The following SYN2 variants were observed in gnomAD, a reference collection of about 807,000 sequenced individuals.
SYN2 encodes the protein synapsin II.
Under a neutral mutation model 50.9 loss-of-function variants are expected in SYN2, and 19 were observed. That is an observed-to-expected ratio of 0.37 (90% CI 0.26 to 0.55). The LOEUF (loss-of-function observed/expected upper bound fraction) is 0.55, where lower values mean the gene tolerates loss of function less well. Ranked by LOEUF, SYN2 falls within the 20% of genes least tolerant of loss-of-function variation. The pLI, the probability that SYN2 is intolerant of heterozygous loss-of-function variation, is 0.81. For missense variants in SYN2, 587 were observed against 576.4 expected, an observed-to-expected ratio of 1.02 and a Z score of -0.19; for synonymous variants, 255 against 224.9, an observed-to-expected ratio of 1.13 and a Z score of -1.20.
chr3:12,109,733 C>G (rs1041451697), intron 1 of SYN2, among the ~76,000 whole-genome samples: 1 of 152,078 alleles, frequency 6.6e-6, no homozygotes, highest in African/African-American at 2.4e-5. Flanking sequence ...GGGGTAGATA[C>G]AGGATGATTG....
At chr3:12,107,721 T>C (rs1696225667) in intron 1 of SYN2, among the ~76,000 whole-genome samples, 1 of 152,126 alleles carries the variant, frequency 6.6e-6, no homozygotes, top group Non-Finnish European at 1.5e-5. Context: ...CTGGGCAACA[T>C]AGTGAGATCC....
chr3:12,072,768 A>G (rs777015003), intron 1 of SYN2, among the ~76,000 whole-genome samples: 2 of 152,120 alleles, frequency 1.3e-5, no homozygotes, highest in Non-Finnish European at 1.5e-5. Context: ...GATATTAATA[A>G]TGGCTTTTAA....
chr3:12,140,313 G>T (rs1420833815), intron 1 of SYN2, among the ~76,000 whole-genome samples: 1 of 152,196 alleles, frequency 6.6e-6, no homozygotes, highest in Non-Finnish European at 1.5e-5. Flanking sequence ...TAAGGAAACT[G>T]CAGAGATGTA....
At chr3:12,010,371 A>T (rs776123426) in intron 1 of SYN2, among the ~76,000 whole-genome samples, 5 of 151,414 alleles carry the variant, frequency 3.3e-5, no homozygotes, top group Non-Finnish European at 5.9e-5. Flanking sequence ...TACCTCCTCA[A>T]ATTTACAAGG....
At chr3:12,129,258 C>G (rs1231281272) in intron 1 of SYN2, among the ~76,000 whole-genome samples, 1 of 151,982 alleles carries the variant, frequency 6.6e-6, no homozygotes, top group Non-Finnish European at 1.5e-5. Context: ...AGAAGCAGGA[C>G]ATGCAAAAAT....
chr3:12,048,598 A>G (rs1045654542), intron 1 of SYN2, among the ~76,000 whole-genome samples: 3 of 152,222 alleles, frequency 2.0e-5, no homozygotes, highest in African/African-American at 7.2e-5. Flanking sequence ...ACATTCATTG[A>G]ACGCTTATTG....
At chr3:12,141,226 A>G (rs1302430096) in intron 2 of SYN2, among the ~76,000 whole-genome samples, 1 of 150,206 alleles carries the variant, frequency 6.7e-6, no homozygotes, top group African/African-American at 2.5e-5. Flanking sequence ...ACCTTCCTCC[A>G]TCCTTTGCTT....
intron 1 of SYN2, among the ~76,000 whole-genome samples, chr3:12,056,892 CAT>C (rs1559402437): frequency 6.6e-6 from 1 of 152,136 alleles, no homozygotes. Context: ...TATATGGAAA[CAT>C]GTATATTCTC....
At chr3:12,164,050 A>G (rs1376968619) in intron 7 of SYN2, among the ~76,000 whole-genome samples, 2 of 152,140 alleles carry the variant, frequency 1.3e-5, no homozygotes. Flanking sequence ...CCTGAGTGAC[A>G]TGGGACCCTG....
intron 7 of SYN2, among the ~76,000 whole-genome samples, chr3:12,163,454 GCCCCCT>G (rs1270726558): frequency 1.3e-5 from 2 of 150,374 alleles, no homozygotes; most frequent in African/African-American, 4.9e-5. Flanking sequence ...AGTGAGTTAG[GCCCCCT>G]CCCTGCACTC....
intron 1 of SYN2, among the ~76,000 whole-genome samples, chr3:12,055,105 A>G (rs1228162059): frequency 6.6e-6 from 1 of 151,806 alleles, no homozygotes; most frequent in Non-Finnish European, 1.5e-5. Flanking sequence ...CAGTTTCTCA[A>G]ATATTCATGG....
intron 1 of SYN2, among the ~76,000 whole-genome samples, chr3:12,044,959 A>C (rs907088655): frequency 6.6e-6 from 1 of 152,204 alleles, no homozygotes; most frequent in Admixed American, 6.5e-5. Flanking sequence ...TGAATGAGAA[A>C]ATTGAAGATT....
chr3:12,073,618 A>G (rs1386746892), intron 1 of SYN2, among the ~76,000 whole-genome samples: 1 of 152,212 alleles, frequency 6.6e-6, no homozygotes, highest in Non-Finnish European at 1.5e-5. Flanking sequence ...TCTGGAGGTA[A>G]AAAGTTAACT....
intron 10 of SYN2, among the ~76,000 whole-genome samples, chr3:12,181,590 C>T (rs1232065791): frequency 3.3e-5 from 5 of 152,172 alleles, no homozygotes; most frequent in Non-Finnish European, 7.3e-5. Flanking sequence ...AATAGTGCAT[C>T]CATGTTACTT....
intron 7 of SYN2, among the ~76,000 whole-genome samples, chr3:12,164,375 T>A (rs915172758): frequency 2.0e-5 from 3 of 152,236 alleles, no homozygotes. Context: ...AAGCTTTAGA[T>A]AACATTTATT....
At chr3:12,116,321 T>C (rs1288255008) in intron 1 of SYN2, among the ~76,000 whole-genome samples, 3 of 152,010 alleles carry the variant, frequency 2.0e-5, no homozygotes, top group African/African-American at 7.3e-5. Flanking sequence ...CAGAGAAAGG[T>C]TGGAAGAAGA....
chr3:12,040,714 A>G (rs1273946755), intron 1 of SYN2, among the ~76,000 whole-genome samples: 1 of 152,096 alleles, frequency 6.6e-6, no homozygotes, highest in Admixed American at 6.5e-5. Flanking sequence ...TATATATCAC[A>G]TTTTAAAAAT....
At chr3:12,159,501 C>G (rs962127786) in intron 5 of SYN2, 3 of 152,504 alleles carry the variant, frequency 2.0e-5, no homozygotes, top group African/African-American at 7.2e-5. Flanking sequence ...GCTCTGTTGC[C>G]TGGGGGGTGG....
At chr3:12,119,064 C>T (rs1696494110) in intron 1 of SYN2, among the ~76,000 whole-genome samples, 1 of 152,178 alleles carries the variant, frequency 6.6e-6, no homozygotes, top group South Asian at 2.1e-4. Flanking sequence ...CAGCCTTTCA[C>T]AAACTCCATT....
Sources: allele counts gnomAD v4.1 joint callset (sites outside exome capture counted in the v4.1 genomes callset), GRCh38; gene constraint gnomAD v4.1.1; transcripts MANE v1.5; gene names NCBI Gene and HGNC (gene_info 2026-07-23, HGNC 2026-07-21).